The following FAM168B variants were observed in gnomAD, a reference collection of about 807,000 sequenced individuals.
The protein encoded by FAM168B is myelin-associated neurite-outgrowth inhibitor.
In FAM168B, 19 loss-of-function variants were observed where a neutral mutation model predicts 21.8. That is an observed-to-expected ratio of 0.87 (90% CI 0.61 to 1.28). FAM168B has a LOEUF of 1.28. FAM168B is among the 50% of genes most tolerant of loss of function. The pLI is 0.00. For missense variants in FAM168B, 233 were observed against 263.1 expected, an observed-to-expected ratio of 0.89 and a Z score of 0.79; for synonymous variants, 126 against 104.8, an observed-to-expected ratio of 1.20 and a Z score of -1.24.
intron 1 of FAM168B, among the ~76,000 whole-genome samples, chr2:131,092,906 T>C (rs2105622101): frequency 6.6e-6 from 1 of 152,170 alleles, no homozygotes; most frequent in East Asian, 1.9e-4. Flanking sequence ...CCCCCGGGTT[T>C]CACGCTCGCA....
At chr2:131,059,819 C>T (rs1040603973) in intron 3 of FAM168B, among the ~76,000 whole-genome samples, 1 of 152,132 alleles carries the variant, frequency 6.6e-6, no homozygotes, top group Admixed American at 6.5e-5. Context: ...GACAATGACA[C>T]AGTTCTAATT....
At chr2:131,074,134 C>A (rs1693018286) in intron 2 of FAM168B, among the ~76,000 whole-genome samples, 2 of 150,938 alleles carry the variant, frequency 1.3e-5, no homozygotes, top group African/African-American at 5.0e-5. Flanking sequence ...AGAAAGTATT[C>A]TCTCTTTTTT....
At chr2:131,073,000 C>T (rs1269368527) in intron 2 of FAM168B, among the ~76,000 whole-genome samples, 1 of 152,152 alleles carries the variant, frequency 6.6e-6, no homozygotes, top group African/African-American at 2.4e-5. Flanking sequence ...CCGACATTTC[C>T]TACATTACAT....
At position 131,067,746 on chromosome 2, in the gene FAM168B, C is replaced by T. The variant is rs184351447; in HGVS notation, c.154+4109G>A. Among the ~76,000 whole-genome samples, 168 of 152,256 alleles carry T rather than the reference C, an allele frequency of 1.1e-3. 3 individuals carry two copies. The South Asian group carries it at 0.012, about 11-fold the overall frequency. ...ACTCACACACACACACACACATACA[C>T]ACCCACCTCCACACACCTTCAGAGA... On this transcript the variant is annotated intron_variant, in intron 3 of 6. Transcript: ENST00000389915.
chr2:131,056,179 A>C (rs952849430), intron 3 of FAM168B, among the ~76,000 whole-genome samples: 3 of 152,212 alleles, frequency 2.0e-5, no homozygotes, highest in African/African-American at 4.8e-5. Flanking sequence ...AAACAGGAGA[A>C]ACTTGCCCAG....
intron 2 of FAM168B, among the ~76,000 whole-genome samples, chr2:131,075,276 A>T (rs1297347885): frequency 3.0e-5 from 3 of 98,376 alleles, no homozygotes; most frequent in African/African-American, 5.1e-5. Context: ...TCCTTCTTTT[A>T]AAAAAAAAAA....
Position 131,050,480 on chromosome 2 carries a change from T to A in FAM168B, c.*1985A>T. 4 of 985,870 alleles carry A rather than the reference T, an allele frequency of 4.1e-6. No individual in the cohort carries two copies. Among genetic ancestry groups the A allele is most frequent in the Non-Finnish European group, 4.8e-6 (4 of 829,950 alleles). The allele number at this position is 985,870 out of a possible 1,614,324, so 61.1% of individuals were successfully genotyped here. A position where few individuals can be genotyped will look rare whatever the true frequency, so the allele number is the denominator to read the frequency against. ...AAGAAAGGGGCACAAACTGTGTGCC[T>A]GCGGTAAATGTCTGCCCCCACACAT... On this transcript the variant is annotated 3_prime_UTR_variant, in exon 7 of 7. Transcript: ENST00000389915.
chr2:131,086,276 TTA>T (rs1252628094), intron 1 of FAM168B, among the ~76,000 whole-genome samples: 1 of 152,188 alleles, frequency 6.6e-6, no homozygotes, highest in East Asian at 1.9e-4. Flanking sequence ...CTACTAATTT[TTA>T]TTTCTTAATT....
Position 131,078,082 on chromosome 2 carries a change from A to T in FAM168B, c.70+4495T>A, listed in dbSNP as rs75473588. Among the ~76,000 whole-genome samples the T allele has an allele frequency of 5.6e-3, 851 of 152,314 alleles. 5 individuals are homozygous for T. Among genetic ancestry groups the T allele is most frequent in the African/African-American group, 0.019 (780 of 41,572 alleles). On this transcript the variant is annotated intron_variant, in intron 2 of 6. Transcript: ENST00000389915. The stretch of plus-strand genomic sequence containing the variant: ...CAGCAAAAGAAGACATCATCAGTGA[A>T]ACCACCCATAATTTCTAATACACTG...
chr2:131,075,275 T>TA (rs1172103189), intron 2 of FAM168B, among the ~76,000 whole-genome samples: 24,317 of 144,056 alleles, frequency 0.17, 2,313 homozygotes, highest in African/African-American at 0.28. Context: ...TTCCTTCTTT[T>TA]AAAAAAAAAA....
intron 3 of FAM168B, among the ~76,000 whole-genome samples, chr2:131,069,785 G>A (rs1692777795): frequency 6.6e-6 from 1 of 151,424 alleles, no homozygotes; most frequent in Non-Finnish European, 1.5e-5. Context: ...GAGCCACTGC[G>A]CCCAGCCAAG....
intron 2 of FAM168B, among the ~76,000 whole-genome samples, chr2:131,081,229 T>C (rs1431249970): frequency 6.6e-6 from 1 of 152,252 alleles, no homozygotes; most frequent in African/African-American, 2.4e-5. Flanking sequence ...GCAATTCTTC[T>C]AAACTTGGCT....
intron 3 of FAM168B, among the ~76,000 whole-genome samples, chr2:131,061,793 AAAAG>A (rs948990513): frequency 7.2e-5 from 11 of 152,098 alleles, no homozygotes; most frequent in South Asian, 6.2e-4. Flanking sequence ...AAAAAAAAAA[AAAAG>A]AAGAAGAAGA....
At chr2:131,089,981 G>A (rs893326786) in intron 1 of FAM168B, among the ~76,000 whole-genome samples, 56 of 151,058 alleles carry the variant, frequency 3.7e-4, no homozygotes, top group African/African-American at 1.3e-3. Flanking sequence ...TCAGTGAGCC[G>A]AGATCATACC....
Position 131,048,344 on chromosome 2 carries a change from C to G in FAM168B, c.*4121G>C. 4 of 1,301,876 alleles carry G rather than the reference C, an allele frequency of 3.1e-6. No homozygotes were observed. The highest frequency in any genetic ancestry group is 4.1e-6 in the Non-Finnish European group (4 of 987,178). 80.6% of individuals were successfully genotyped at this position (1,301,876 alleles called of 1,614,324 possible). A position where few individuals can be genotyped will look rare whatever the true frequency, so the allele number is the denominator to read the frequency against. On this transcript the variant is annotated 3_prime_UTR_variant, in exon 7 of 7. Coordinates refer to ENST00000389915, the MANE Select transcript of FAM168B (RefSeq NM_001009993.4). Reference sequence around the variant, plus strand: ...CTGCACAGGGACTCATGGGCACAGCCTGTGGTGAGGAGGAGACACCTGTCA... The same window carrying G: ...CTGCACAGGGACTCATGGGCACAGCGTGTGGTGAGGAGGAGACACCTGTCA...
chr2:131,062,045 A>G (rs941484366), intron 3 of FAM168B, among the ~76,000 whole-genome samples: 2 of 152,242 alleles, frequency 1.3e-5, no homozygotes, highest in Non-Finnish European at 2.9e-5. Flanking sequence ...AAAGCTGTTA[A>G]AAGAAGTCAA....
intron 5 of FAM168B, among the ~76,000 whole-genome samples, chr2:131,053,260 C>T (rs1691808385): frequency 1.3e-5 from 2 of 152,172 alleles, no homozygotes; most frequent in Non-Finnish European, 2.9e-5. Context: ...ATAAAGCACA[C>T]CCAATAATTT....
chr2:131,083,487 G>A (rs1267419930), intron 1 of FAM168B, among the ~76,000 whole-genome samples: 4 of 152,060 alleles, frequency 2.6e-5, no homozygotes, highest in Non-Finnish European at 5.9e-5. Flanking sequence ...TTAGCAGTGA[G>A]CCAAGCTCAT....
At chr2:131,084,484 G>T (rs1412513381) in intron 1 of FAM168B, among the ~76,000 whole-genome samples, 2 of 151,780 alleles carry the variant, frequency 1.3e-5, no homozygotes, top group Non-Finnish European at 2.9e-5. Flanking sequence ...ACAGGTGTGT[G>T]CCACCATGCC....
Sources: allele counts gnomAD v4.1 joint callset (sites outside exome capture counted in the v4.1 genomes callset), GRCh38; gene constraint gnomAD v4.1.1; transcripts MANE v1.5; gene names NCBI Gene and HGNC (gene_info 2026-07-23, HGNC 2026-07-21).